Variants in CAMK1D observed in about 807,000 individuals in gnomAD.
The protein encoded by CAMK1D is calcium/calmodulin-dependent protein kinase type 1D.
Under a neutral mutation model 47.7 loss-of-function variants are expected in CAMK1D, and 9 were observed. The ratio of observed to expected loss-of-function variants is 0.19; its 90% CI spans 0.11 to 0.33. The LOEUF (loss-of-function observed/expected upper bound fraction) is 0.33. Among genes scored for constraint, CAMK1D ranks in the 10% least tolerant of loss-of-function variants. The pLI, the probability that CAMK1D is intolerant of heterozygous loss-of-function variation, is 1.00. For synonymous variants in CAMK1D, 184 were observed against 184.9 expected, an observed-to-expected ratio of 0.99 and a Z score of 0.04; for missense variants, 291 against 488.7, an observed-to-expected ratio of 0.60 and a Z score of 3.81.
At chr10:12,756,111 T>C (rs1836216927) in intron 3 of CAMK1D, among the ~76,000 whole-genome samples, 2 of 152,248 alleles carry the variant, frequency 1.3e-5, no homozygotes, top group African/African-American at 4.8e-5. Context: ...AGCATTGTAC[T>C]GTTTGGCCTT....
rs898951443 is a variant in CAMK1D, at chr10:12,834,572, C to T, written c.*5685C>T. On this transcript the variant is annotated 3_prime_UTR_variant, in exon 11 of 11. Transcript: ENST00000619168. ...ATTCACCCTTTGTACTATAACACCG[C>T]TTCTGCATTCGCCATATCCGTTTTT... 6.6e-6 allele frequency: 1 copy of T among 152,174 alleles called. No individual in the cohort carries two copies. The highest frequency in any genetic ancestry group is 2.1e-4 in the South Asian group (1 of 4,820). The allele number at this position is 152,174 out of a possible 1,614,324, so 9.4% of individuals were successfully genotyped here. A position where few individuals can be genotyped will look rare whatever the true frequency, so the allele number is the denominator to read the frequency against.
intron 3 of CAMK1D, among the ~76,000 whole-genome samples, chr10:12,680,884 CAAA>C (rs112938242): frequency 4.3e-5 from 6 of 140,348 alleles, no homozygotes; most frequent in Non-Finnish European, 4.6e-5. Flanking sequence ...GACCATGTCT[CAAA>C]AAAAAAAAAA....
intron 3 of CAMK1D, among the ~76,000 whole-genome samples, chr10:12,673,047 G>A (rs1278121766): frequency 6.6e-6 from 1 of 151,498 alleles, no homozygotes; most frequent in African/African-American, 2.4e-5. Flanking sequence ...CAGGTGCCCA[G>A]GTCATTTTCT....
chr10:12,718,768 A>G (rs1834254308), intron 3 of CAMK1D, among the ~76,000 whole-genome samples: 1 of 152,120 alleles, frequency 6.6e-6, no homozygotes, highest in Admixed American at 6.5e-5. Flanking sequence ...TTTTTCATTC[A>G]AAGTTGAAAT....
At chr10:12,656,896 TAAC>T (rs1307067543) in intron 2 of CAMK1D, among the ~76,000 whole-genome samples, 2 of 152,194 alleles carry the variant, frequency 1.3e-5, no homozygotes, top group African/African-American at 2.4e-5. Context: ...GATAGATAAA[TAAC>T]AAGATGACAT....
intron 1 of CAMK1D, among the ~76,000 whole-genome samples, chr10:12,468,793 C>T (rs946011077): frequency 2.0e-5 from 3 of 152,186 alleles, no homozygotes; most frequent in African/African-American, 2.4e-5. Flanking sequence ...CTTCCCCCTT[C>T]GGAACTAGAA....
intron 1 of CAMK1D, among the ~76,000 whole-genome samples, chr10:12,469,537 C>T (rs1292025297): frequency 6.6e-6 from 1 of 152,142 alleles, no homozygotes; most frequent in Non-Finnish European, 1.5e-5. Context: ...AAATAAACAA[C>T]CCACCTTCCC....
At chr10:12,726,456 A>T (rs182317847) in intron 3 of CAMK1D, among the ~76,000 whole-genome samples, 22 of 152,274 alleles carry the variant, frequency 1.4e-4, no homozygotes, top group Admixed American at 1.4e-3. Flanking sequence ...AATTAAAAAA[A>T]GAAGGGAATA....
intron 2 of CAMK1D, among the ~76,000 whole-genome samples, chr10:12,602,844 A>G (rs920171438): frequency 6.6e-6 from 1 of 151,342 alleles, no homozygotes; most frequent in South Asian, 2.1e-4. Flanking sequence ...CCGGTGGTGG[A>G]TCTGGACCCA....
chr10:12,570,680 C>CAAAAAAAAAAAAAAAAAAAACAAAAAAAA (rs35160242), intron 2 of CAMK1D, among the ~76,000 whole-genome samples: 1 of 84,574 alleles, frequency 1.2e-5, no homozygotes. Flanking sequence ...AACTCCATCT[C>CAAAAAAAAAAAAAAAAAAAACAAAAAAAA]AAAAAAAAAA....
chr10:12,778,135 G>A (rs1156883416), intron 5 of CAMK1D, among the ~76,000 whole-genome samples: 4 of 152,210 alleles, frequency 2.6e-5, no homozygotes, highest in Non-Finnish European at 5.9e-5. Flanking sequence ...TTGATAGGTC[G>A]AAGTGTTGGT....
At chr10:12,534,657 C>T (rs968148831) in intron 1 of CAMK1D, among the ~76,000 whole-genome samples, 2 of 152,156 alleles carry the variant, frequency 1.3e-5, no homozygotes, top group Non-Finnish European at 2.9e-5. Context: ...TGAGCCACAG[C>T]GCCTGGCCAA....
chr10:12,629,139 G>C (rs545101011), intron 2 of CAMK1D, among the ~76,000 whole-genome samples: 16 of 152,232 alleles, frequency 1.1e-4, no homozygotes, highest in Admixed American at 2.6e-4. Flanking sequence ...TGGGTGAGGC[G>C]GGAGCTTTTG....
intron 1 of CAMK1D, among the ~76,000 whole-genome samples, chr10:12,395,786 G>T (rs1838922384): frequency 6.6e-6 from 1 of 151,476 alleles, no homozygotes; most frequent in South Asian, 2.1e-4. Flanking sequence ...AATTAGCCGG[G>T]CATGGTGGTG....
At chr10:12,503,239 G>A (rs1834761872) in intron 1 of CAMK1D, among the ~76,000 whole-genome samples, 1 of 152,210 alleles carries the variant, frequency 6.6e-6, no homozygotes, top group Non-Finnish European at 1.5e-5. Flanking sequence ...TGTGTGTTGT[G>A]TGTGTGCACT....
At chr10:12,795,088 C>T (rs1838138135) in intron 6 of CAMK1D, among the ~76,000 whole-genome samples, 1 of 152,070 alleles carries the variant, frequency 6.6e-6, no homozygotes, top group Non-Finnish European at 1.5e-5. Context: ...TACAGGGAGG[C>T]CCATGCACAG....
chr10:12,830,926 A>AAACACAC lies in CAMK1D; in HGVS notation c.*2040_*2041insACACACA, dbSNP rs1554832589. The stretch of plus-strand genomic sequence containing the variant: ...GTGATGCCCCCCCACCCTCTCAATA[A>AAACACAC]ACACACACACACACACACACACACA... On this transcript the variant is annotated 3_prime_UTR_variant, in exon 11 of 11. Coordinates refer to ENST00000619168, the MANE Select transcript of CAMK1D (RefSeq NM_153498.4). 1 of 103,728 alleles carries AAACACAC rather than the reference A, an allele frequency of 9.6e-6. No homozygotes were observed. 6.4% of individuals were successfully genotyped at this position (103,728 alleles called of 1,614,324 possible).
intron 3 of CAMK1D, among the ~76,000 whole-genome samples, chr10:12,746,089 G>A (rs1320113323): frequency 2.6e-5 from 4 of 152,062 alleles, no homozygotes; most frequent in Admixed American, 1.3e-4. Context: ...TATTTGTCCC[G>A]ATGCCGGTGA....
At chr10:12,413,303 G>A (rs1266202434) in intron 1 of CAMK1D, among the ~76,000 whole-genome samples, 5 of 152,114 alleles carry the variant, frequency 3.3e-5, no homozygotes, top group Non-Finnish European at 7.4e-5. Flanking sequence ...TCACTGTCAG[G>A]AAGACAGCAC....
Sources: gnomAD v4.1 joint callset for allele counts (sites outside exome capture counted in the v4.1 genomes callset) on GRCh38, gnomAD v4.1.1 for gene constraint, MANE v1.5 for transcripts, NCBI Gene and HGNC (gene_info 2026-07-23, HGNC 2026-07-21) for gene names.